Variants in SGIP1 observed in about 807,000 individuals in gnomAD.
The protein encoded by SGIP1 is SH3GL interacting endocytic adaptor 1.
SGIP1 carries 38 observed loss-of-function variants against 107.5 expected under a neutral mutation model. That is an observed-to-expected ratio of 0.35 (90% CI 0.27 to 0.46). SGIP1 has a LOEUF of 0.46. Ranked by LOEUF, SGIP1 falls within the 20% of genes least tolerant of loss-of-function variation. The pLI is 1.00. For missense variants in SGIP1, 929 were observed against 1,019.5 expected (o/e 0.91, Z 1.21); for synonymous variants, 365 against 366.1 (o/e 1.00, Z 0.03).
At chr1:66,552,470 C>T (rs1247675785) in intron 1 of SGIP1, among the ~76,000 whole-genome samples, 3 of 152,088 alleles carry the variant, frequency 2.0e-5, no homozygotes, top group African/African-American at 7.2e-5. Flanking sequence ...CTGCTGCTTC[C>T]TGTGTTACTC....
intron 18 of SGIP1, among the ~76,000 whole-genome samples, chr1:66,711,514 C>T (rs2092917473): frequency 6.6e-6 from 1 of 152,090 alleles, no homozygotes; most frequent in African/African-American, 2.4e-5. Flanking sequence ...CTAATTCTAA[C>T]TAATATAATC....
intron 12 of SGIP1, among the ~76,000 whole-genome samples, chr1:66,674,829 C>G (rs896583047): frequency 7.9e-5 from 12 of 152,150 alleles, no homozygotes; most frequent in Non-Finnish European, 1.5e-5. Context: ...CTGCCAAACC[C>G]CACTGGAGAG....
At chr1:66,593,426 C>T (rs534272422) in intron 1 of SGIP1, among the ~76,000 whole-genome samples, 6 of 152,126 alleles carry the variant, frequency 3.9e-5, no homozygotes, top group Non-Finnish European at 7.4e-5. Context: ...GAATAAGAGT[C>T]CCTGTTGCTC....
intron 4 of SGIP1, 75 bp from the exon 5 acceptor site, chr1:66,639,702 A>G: frequency 8.4e-7 from 1 of 1,194,138 alleles, no homozygotes; most frequent in Non-Finnish European, 1.2e-6. Flanking sequence ...AATGCAGATA[A>G]GAGTTAAATG....
At chr1:66,671,688 C>A (rs763812649) in intron 10 of SGIP1, among the ~76,000 whole-genome samples, 3 of 152,184 alleles carry the variant, frequency 2.0e-5, no homozygotes, top group Non-Finnish European at 4.4e-5. Flanking sequence ...CTGCACTATA[C>A]AAATCTTCTA....
intron 1 of SGIP1, among the ~76,000 whole-genome samples, chr1:66,557,039 G>A (rs983164920): frequency 5.9e-5 from 9 of 152,236 alleles, no homozygotes; most frequent in African/African-American, 2.2e-4. Context: ...ACAACAAGGA[G>A]TAATTTGTAG....
At chr1:66,595,956 G>A (rs575881191) in intron 1 of SGIP1, among the ~76,000 whole-genome samples, 75 of 152,322 alleles carry the variant, frequency 4.9e-4, no homozygotes, top group African/African-American at 1.8e-3. Context: ...TTAAAGGGCA[G>A]CACAAGGAAT....
chr1:66,546,258 G>T (rs1251882585), intron 1 of SGIP1, among the ~76,000 whole-genome samples: 1 of 152,148 alleles, frequency 6.6e-6, no homozygotes, highest in Non-Finnish European at 1.5e-5. Flanking sequence ...CTGGCTGAGA[G>T]CCACATTCTG....
intron 1 of SGIP1, among the ~76,000 whole-genome samples, chr1:66,536,822 A>G (rs2053725239): frequency 6.6e-6 from 1 of 152,218 alleles, no homozygotes; most frequent in African/African-American, 2.4e-5. Flanking sequence ...GGAAGAAAAC[A>G]TATATTTGCA....
intron 9 of SGIP1, among the ~76,000 whole-genome samples, chr1:66,670,030 A>G (rs2083416703): frequency 6.6e-6 from 1 of 152,192 alleles, no homozygotes. Context: ...GCCATCCAAC[A>G]AATGTGTTCA....
intron 1 of SGIP1, among the ~76,000 whole-genome samples, chr1:66,580,505 C>T (rs953919028): frequency 2.0e-5 from 3 of 152,072 alleles, no homozygotes; most frequent in African/African-American, 4.8e-5. Context: ...TTTTCCTATT[C>T]GTAATACTTC....
At chr1:66,596,215 T>C (rs2064645534) in intron 1 of SGIP1, among the ~76,000 whole-genome samples, 1 of 152,172 alleles carries the variant, frequency 6.6e-6, no homozygotes, top group South Asian at 2.1e-4. Flanking sequence ...TCCTGAGCTC[T>C]TGTACCACGC....
At chr1:66,551,164 C>G (rs887792220) in intron 1 of SGIP1, among the ~76,000 whole-genome samples, 3 of 152,058 alleles carry the variant, frequency 2.0e-5, no homozygotes, top group Non-Finnish European at 4.4e-5. Flanking sequence ...TGCCTTTGTT[C>G]TGGTTATTTT....
intron 7 of SGIP1, among the ~76,000 whole-genome samples, chr1:66,645,734 T>C (rs190310182): frequency 7.9e-5 from 12 of 152,336 alleles, no homozygotes; most frequent in African/African-American, 2.4e-4. Flanking sequence ...TGGATGTACA[T>C]GAGTTTAAAG....
At chr1:66,742,397 A>T (rs981286458) in intron 24 of SGIP1, among the ~76,000 whole-genome samples, 2 of 149,014 alleles carry the variant, frequency 1.3e-5, no homozygotes, top group Non-Finnish European at 3.0e-5. Flanking sequence ...GTAATTATTA[A>T]TTATACCCTT....
At chr1:66,741,462 T>C in intron 24 of SGIP1, 26 bp downstream of exon 24, 1 of 1,538,082 alleles carries the variant, frequency 6.5e-7, no homozygotes, top group Non-Finnish European at 8.8e-7. Flanking sequence ...GATTTTTTCA[T>C]TTGCGAAAAT....
Position 66,534,216 on chromosome 1 carries a change from C to A in SGIP1, c.-143C>A. The A allele has an allele frequency of 2.4e-6, 2 of 832,316 alleles. No individual in the cohort carries two copies. Among genetic ancestry groups the A allele is most frequent in the Non-Finnish European group, 4.0e-6 (2 of 494,226 alleles). 51.6% of individuals were successfully genotyped at this position (832,316 alleles called of 1,614,324 possible). ...GCAGCATCCATGGCCTGTCTTTTGG[C>A]TTAACACTTATCTCCTTTGGCTTTG... is the stretch of plus-strand genomic sequence containing the variant. On this transcript the variant is annotated 5_prime_UTR_variant, in exon 1 of 25. Coordinates refer to ENST00000371037, the MANE Select transcript of SGIP1 (RefSeq NM_032291.4).
At chr1:66,700,904 C>A (rs1222641399) in intron 18 of SGIP1, among the ~76,000 whole-genome samples, 2 of 151,962 alleles carry the variant, frequency 1.3e-5, no homozygotes, top group African/African-American at 2.4e-5. Context: ...TTTTCATTAT[C>A]CAGATGAGAC....
chr1:66,550,049 C>A (rs2057167294), intron 1 of SGIP1, among the ~76,000 whole-genome samples: 1 of 152,080 alleles, frequency 6.6e-6, no homozygotes, highest in African/African-American at 2.4e-5. Context: ...CATTGCTATA[C>A]CCACTCTGCT....
Sources: allele counts gnomAD v4.1 joint callset (sites outside exome capture counted in the v4.1 genomes callset), GRCh38; gene constraint gnomAD v4.1.1; transcripts MANE v1.5; gene names NCBI Gene and HGNC (gene_info 2026-07-23, HGNC 2026-07-21).